SV2C: variants seen among roughly 807,000 people sequenced by gnomAD.
SV2C encodes solute carrier family 22 member B3.
SV2C carries 49 observed loss-of-function variants against 79.7 expected under a neutral mutation model. The ratio of observed to expected loss-of-function variants is 0.61; its 90% CI spans 0.49 to 0.78. SV2C has a LOEUF of 0.78. Ranked by LOEUF, SV2C falls within the 30% of genes least tolerant of loss-of-function variation. The pLI is 0.00. For missense variants in SV2C, 833 were observed against 912.9 expected (o/e 0.91, Z 1.13); for synonymous variants, 334 against 333.2 (o/e 1.00, Z -0.03).
intron 2 of SV2C, among the ~76,000 whole-genome samples, chr5:76,158,425 TAAAAA>T (rs1287260362): frequency 6.9e-6 from 1 of 145,802 alleles, no homozygotes; most frequent in Admixed American, 6.8e-5. Context: ...AAATAGACGT[TAAAAA>T]AAAAAAGTTA....
the SV2C span, among the ~76,000 whole-genome samples, chr5:76,037,310 G>A: frequency 6.6e-6 from 1 of 152,238 alleles, no homozygotes. Flanking sequence ...CTTTGGAGGA[G>A]GAGAGGCGCT....
the SV2C span, among the ~76,000 whole-genome samples, chr5:75,926,510 G>T: frequency 7.9e-5 from 12 of 151,876 alleles, no homozygotes; most frequent in Admixed American, 7.9e-4. Context: ...TTCCTGCTCG[G>T]TGCCTGAATT....
the SV2C span, among the ~76,000 whole-genome samples, chr5:76,025,499 C>T: frequency 5.3e-5 from 8 of 152,176 alleles, no homozygotes; most frequent in African/African-American, 4.8e-5. Flanking sequence ...CAGTGGAAAT[C>T]ACTACCCTTT....
At chr5:76,336,009 C>T (rs1416420064), downstream of SV2C, among the ~76,000 whole-genome samples, 2 of 150,938 alleles carry the variant, frequency 1.3e-5, no homozygotes, top group Non-Finnish European at 3.0e-5. Context: ...CGGGCAGAGG[C>T]GCCCCTCACC....
At chr5:76,190,580 T>C (rs777248085) in intron 2 of SV2C, among the ~76,000 whole-genome samples, 8 of 152,114 alleles carry the variant, frequency 5.3e-5, no homozygotes, top group Non-Finnish European at 1.2e-4. Context: ...CTTGCTAAAA[T>C]TGGGCAATGC....
chr5:76,138,053 G>T (rs535931263), intron 2 of SV2C, among the ~76,000 whole-genome samples: 13 of 152,234 alleles, frequency 8.5e-5, no homozygotes, highest in Non-Finnish European at 1.9e-4. Flanking sequence ...GGATGTGTGG[G>T]TCATGGCCCA....
the SV2C span, among the ~76,000 whole-genome samples, chr5:75,976,756 A>C: frequency 6.6e-6 from 1 of 152,204 alleles, no homozygotes; most frequent in Non-Finnish European, 1.5e-5. Flanking sequence ...CAATAACTTA[A>C]ATATGAAAAA....
chr5:76,045,755 G>A, the SV2C span, among the ~76,000 whole-genome samples: 276 of 152,210 alleles, frequency 1.8e-3, 2 homozygotes, highest in East Asian at 0.011. Flanking sequence ...TATAAATAGC[G>A]TGGTAATTTG....
chr5:76,236,733 A>G (rs1434011891), intron 4 of SV2C, among the ~76,000 whole-genome samples: 3 of 152,090 alleles, frequency 2.0e-5, no homozygotes, highest in East Asian at 1.9e-4. Flanking sequence ...CCATGACCCA[A>G]ATATTTCCCA....
chr5:76,307,818 A>G (rs1279924268), intron 12 of SV2C, among the ~76,000 whole-genome samples: 4 of 151,916 alleles, frequency 2.6e-5, no homozygotes, highest in Admixed American at 6.6e-5. Context: ...TTTGGTTATC[A>G]TATTTTTCAG....
rs1202671168 is a variant in SV2C, at chr5:76,330,868, G to T, written c.*5321G>T. ...CATTTTTTTTTTTTTTTTGGGCGGG[G>T]GGGCGGGGGACGGAGTCTCGCTCTA... On this transcript the variant is annotated 3_prime_UTR_variant, in exon 13 of 13. Coordinates refer to ENST00000502798, the MANE Select transcript of SV2C (RefSeq NM_014979.4). The T allele has an allele frequency of 6.7e-6, 1 of 150,256 alleles. No homozygotes were observed. The highest frequency in any genetic ancestry group is 1.5e-5 in the Non-Finnish European group (1 of 67,494). The allele number at this position is 150,256 out of a possible 1,614,324, so 9.3% of individuals were successfully genotyped here.
At chr5:76,004,976 A>T in the SV2C span, among the ~76,000 whole-genome samples, 1 of 152,288 alleles carries the variant, frequency 6.6e-6, no homozygotes, top group East Asian at 1.9e-4. Context: ...AGTGAGCACG[A>T]CCTAAATCTC....
At chr5:76,301,313 C>T in intron 11 of SV2C, 73 bp from the exon 12 acceptor site, 1 of 1,568,546 alleles carries the variant, frequency 6.4e-7, no homozygotes, top group Non-Finnish European at 8.7e-7. Flanking sequence ...TTGAGCAATC[C>T]CAAGGACCCA....
the SV2C span, among the ~76,000 whole-genome samples, chr5:75,944,926 G>C: frequency 6.6e-6 from 1 of 151,956 alleles, no homozygotes; most frequent in Non-Finnish European, 1.5e-5. Context: ...AAAAAAACTG[G>C]AAAAAGGGGT....
chr5:76,049,655 A>G, the SV2C span, among the ~76,000 whole-genome samples: 1 of 152,218 alleles, frequency 6.6e-6, no homozygotes, highest in East Asian at 1.9e-4. Flanking sequence ...TTGAGTTGAA[A>G]GTCAGTAAGA....
the SV2C span, among the ~76,000 whole-genome samples, chr5:75,916,096 T>C: frequency 2.7e-3 from 414 of 152,294 alleles, 2 homozygotes; most frequent in African/African-American, 9.4e-3. Context: ...ATGATCTTAT[T>C]TGACTTCTAA....
the SV2C span, among the ~76,000 whole-genome samples, chr5:75,869,940 G>A: frequency 6.6e-6 from 1 of 152,104 alleles, no homozygotes; most frequent in African/African-American, 2.4e-5. Flanking sequence ...AAACCACAGC[G>A]TTTCTGGGCT....
At chr5:75,900,118 C>T in the SV2C span, among the ~76,000 whole-genome samples, 25,217 of 151,692 alleles carry the variant, frequency 0.17, 6,237 homozygotes, top group African/African-American at 0.54. Context: ...TGATGTTAGC[C>T]AGTTATTTTG....
chr5:76,274,844 A>C (rs1049919806), intron 4 of SV2C, among the ~76,000 whole-genome samples: 16 of 152,164 alleles, frequency 1.1e-4, no homozygotes, highest in African/African-American at 3.4e-4. Flanking sequence ...TGCAGATTAC[A>C]TAGTATTTAT....
Sources: gnomAD v4.1 joint callset for allele counts (sites outside exome capture counted in the v4.1 genomes callset) on GRCh38, gnomAD v4.1.1 for gene constraint, MANE v1.5 for transcripts, NCBI Gene and HGNC (gene_info 2026-07-23, HGNC 2026-07-21) for gene names.